Variants in PIN1 observed in about 807,000 individuals in gnomAD.
The protein encoded by PIN1 is peptidyl-prolyl cis-trans isomerase NIMA-interacting 1.
Under a neutral mutation model 19.9 loss-of-function variants are expected in PIN1, and 8 were observed. The observed-to-expected ratio is 0.40, with a 90% CI of 0.24 to 0.72. PIN1 has a LOEUF of 0.72. Among genes scored for constraint, PIN1 ranks in the 30% least tolerant of loss-of-function variants. The pLI is 0.37. For missense variants in PIN1, 185 were observed against 226.5 expected (o/e 0.82, Z 1.18); for synonymous variants, 86 against 90.8 (o/e 0.95, Z 0.30).
intron 2 of PIN1, among the ~76,000 whole-genome samples, chr19:9,842,301 G>A (rs921596114): frequency 2.0e-4 from 31 of 152,164 alleles, no homozygotes; most frequent in African/African-American, 7.2e-4. Context: ...GCAGAACAGC[G>A]TGGCCCACCC....
chr19:9,838,196 A>AT lies in PIN1; in HGVS notation c.59-237dup, dbSNP rs2046128992. 6.8e-6 allele frequency: 4 copies of AT among 585,646 alleles called. No individual in the cohort carries two copies. The South Asian group carries it at 7.8e-5, about 11-fold the overall frequency. 36.3% of individuals were successfully genotyped at this position (585,646 alleles called of 1,614,324 possible). On this transcript the variant is annotated intron_variant, in intron 1 of 3. Transcript: ENST00000247970. This position sits in a 1 kb window ranked among gnomAD's most constrained non-coding sequence, Gnocchi z 5.8. ...AGGGATTGATACTATCCTGTGTTTC[A>AT]TTTGCTTGTTTAGCACCTGTCTGCT...
chr19:9,848,121 C>A lies in PIN1; in HGVS notation c.363C>A (p.Asp121Glu). Residue 121 changes from aspartate to glutamate, a missense_variant, in exon 3 of 4, where the codon GAC becomes GAA. Coordinates refer to ENST00000247970, the MANE Select transcript of PIN1 (RefSeq NM_006221.4). ...SDCSSAKARGDLGAFSRGQMQ... is the reference protein window; with the variant it reads ...SDCSSAKARGELGAFSRGQMQ... Reference sequence around the variant, plus strand: ...GCAGCTCAGCCAAGGCCAGGGGAGACCTGGGTGCCTTCAGCAGAGGTGCGC... The same window carrying A: ...GCAGCTCAGCCAAGGCCAGGGGAGAACTGGGTGCCTTCAGCAGAGGTGCGC... 6.2e-7 allele frequency: 1 copy of A among 1,609,654 alleles called. No homozygotes were observed. The highest frequency in any genetic ancestry group is 8.5e-7 in the Non-Finnish European group (1 of 1,176,008).
intron 1 of PIN1, chr19:9,836,958 C>T (rs1200293621): frequency 1.4e-6 from 1 of 711,472 alleles, no homozygotes; most frequent in East Asian, 6.5e-5. Context: ...CTGTCCTAGG[C>T]ATTTTGTAGA....
intron 2 of PIN1, among the ~76,000 whole-genome samples, chr19:9,845,969 G>C (rs2046216289): frequency 6.6e-6 from 1 of 152,144 alleles, no homozygotes; most frequent in Admixed American, 6.5e-5. Flanking sequence ...GCGATCCCCT[G>C]GCTGGCTTAG....
intron 1 of PIN1, 146 bp downstream of exon 1, chr19:9,835,548 C>G (rs1406060013): frequency 3.8e-5 from 24 of 624,014 alleles, no homozygotes; most frequent in Middle Eastern, 9.0e-4. Context: ...CGGCCCCGGC[C>G]CGCCCTGTTG....
At chr19:9,840,424 C>T (rs2046154303) in intron 2 of PIN1, among the ~76,000 whole-genome samples, 3 of 152,170 alleles carry the variant, frequency 2.0e-5, no homozygotes, top group Non-Finnish European at 2.9e-5. Context: ...AACACTTTTC[C>T]ATTCTTGCAG....
Position 9,838,306 on chromosome 19 carries a change from G to A in PIN1, c.59-130G>A. 1 of 741,296 alleles carries A rather than the reference G, an allele frequency of 1.3e-6. No homozygotes were observed. Among genetic ancestry groups the A allele is most frequent in the Non-Finnish European group, 2.4e-6 (1 of 410,324 alleles). The allele number at this position is 741,296 out of a possible 1,614,324, so 45.9% of individuals were successfully genotyped here. A position where few individuals can be genotyped will look rare whatever the true frequency, so the allele number is the denominator to read the frequency against. On this transcript the variant is annotated intron_variant, in intron 1 of 3. Coordinates refer to ENST00000247970, the MANE Select transcript of PIN1 (RefSeq NM_006221.4). This position sits in a 1 kb window ranked among gnomAD's most constrained non-coding sequence, Gnocchi z 5.8. ...TCTGGAGAGCCTGTGGCACATGGTGGATACACCATGGATTTGTTGAATGAA... is the reference window on the plus strand; with the variant it reads ...TCTGGAGAGCCTGTGGCACATGGTGAATACACCATGGATTTGTTGAATGAA...
chr19:9,849,080 T>C lies in PIN1; in HGVS notation c.383-10T>C. ...GCCCTGACACCCCCACCGCCCCTCC[T>C]GGCTCCCAGGTCAGATGCAGAAGCC... On this transcript the variant is annotated splice_polypyrimidine_tract_variant and intron_variant, in intron 3 of 3. Transcript: ENST00000247970. 1.2e-6 allele frequency: 2 copies of C among 1,604,352 alleles called. No homozygotes were observed. Among genetic ancestry groups the C allele is most frequent in the East Asian group, 2.2e-5 (1 of 44,804 alleles).
chr19:9,838,957 C>G lies in PIN1; in HGVS notation c.271+309C>G, dbSNP rs931237647. Among the ~76,000 whole-genome samples the G allele has an allele frequency of 4.6e-5, 7 of 152,190 alleles. No individual in the cohort carries two copies. Among genetic ancestry groups the G allele is most frequent in the Non-Finnish European group, 7.3e-5 (5 of 68,042 alleles). ...TGGGAGGGGACTCGTGTCACCTCCC[C>G]TAGACTCAGCTTTCTCTGTAAAATG... On this transcript the variant is annotated intron_variant, in intron 2 of 3. Transcript: ENST00000247970. This position sits in a 1 kb window ranked among gnomAD's most constrained non-coding sequence, Gnocchi z 5.8.
At position 9,837,633 on chromosome 19, in the gene PIN1, GGTTT is replaced by G. The variant is rs925122170; in HGVS notation, c.59-788_59-785del. The G allele has an allele frequency of 8.4e-5, 13 of 155,272 alleles. No individual in the cohort carries two copies. The East Asian group carries it at 1.3e-3, about 16-fold the overall frequency. The allele number at this position is 155,272 out of a possible 1,614,324, so 9.6% of individuals were successfully genotyped here. A position where few individuals can be genotyped will look rare whatever the true frequency, so the allele number is the denominator to read the frequency against. Reference sequence around the variant, plus strand: ...TACACCACAACGCCCGGCTAATGTTGGTTTGTTTGTTTGTTTGTGACGGAGTTTT... The same window carrying G: ...TACACCACAACGCCCGGCTAATGTTGGTTTGTTTGTTTGTGACGGAGTTTT... On this transcript the variant is annotated intron_variant, in intron 1 of 3. Coordinates refer to ENST00000247970, the MANE Select transcript of PIN1 (RefSeq NM_006221.4).
intron 3 of PIN1, 55 bp downstream of exon 3, chr19:9,848,195 A>G (rs1225353106): frequency 9.3e-7 from 1 of 1,070,180 alleles, no homozygotes; most frequent in Non-Finnish European, 1.4e-6. Context: ...CCTGAGGGGT[A>G]GAGGCCAGGA....
Position 9,849,661 on chromosome 19 carries a change from C to G in PIN1, c.*462C>G, listed in dbSNP as rs774471250. On this transcript the variant is annotated 3_prime_UTR_variant, in exon 4 of 4. Transcript: ENST00000247970. ...AGCAACTGTGCAGCACCCTTTCACCCCCAATTAAACCCAGAACCACTGCTC... is the reference window on the plus strand; with the variant it reads ...AGCAACTGTGCAGCACCCTTTCACCGCCAATTAAACCCAGAACCACTGCTC... The G allele has an allele frequency of 1.9e-6, 1 of 514,340 alleles. No individual in the cohort carries two copies. The highest frequency in any genetic ancestry group is 2.0e-5 in the Admixed American group (1 of 50,760). The allele number at this position is 514,340 out of a possible 1,614,324, so 31.9% of individuals were successfully genotyped here. A position where few individuals can be genotyped will look rare whatever the true frequency, so the allele number is the denominator to read the frequency against.
chr19:9,841,875 C>T (rs1277334420), intron 2 of PIN1, among the ~76,000 whole-genome samples: 3 of 152,088 alleles, frequency 2.0e-5, no homozygotes, highest in Non-Finnish European at 4.4e-5. Context: ...GAAGTGGGCT[C>T]CTGGGGGTCA....
chr19:9,845,909 G>T (rs1599454239), intron 2 of PIN1, among the ~76,000 whole-genome samples: 1 of 152,168 alleles, frequency 6.6e-6, no homozygotes, highest in Admixed American at 6.5e-5. Flanking sequence ...CTCAGTGCCT[G>T]CAGGCAGTCC....
intron 1 of PIN1, chr19:9,835,871 A>G (rs2046098210): frequency 6.1e-6 from 1 of 162,732 alleles, no homozygotes; most frequent in Admixed American, 6.4e-5. Flanking sequence ...ATCGCCCGTG[A>G]CATTCTGCCA....
chr19:9,845,536 G>A (rs928264983), intron 2 of PIN1, among the ~76,000 whole-genome samples: 4 of 152,038 alleles, frequency 2.6e-5, no homozygotes, highest in Admixed American at 2.0e-4. Flanking sequence ...AGCTACTTGC[G>A]AGGCTGAGGC....
Position 9,838,003 on chromosome 19 carries a change from AT to A in PIN1, c.59-429del. ...CCCTAAGGTAGGAACTGTTATCTCC[AT>A]TTTGCAGGTGAGAACACCAAGGCCC... On this transcript the variant is annotated intron_variant, in intron 1 of 3. Transcript: ENST00000247970. This position sits in a 1 kb window ranked among gnomAD's most constrained non-coding sequence, Gnocchi z 5.8. 1 of 268,654 alleles carries A rather than the reference AT, an allele frequency of 3.7e-6. No homozygotes were observed. The highest frequency in any genetic ancestry group is 7.4e-6 in the Non-Finnish European group (1 of 135,932). The allele number at this position is 268,654 out of a possible 1,614,324, so 16.6% of individuals were successfully genotyped here. A position where few individuals can be genotyped will look rare whatever the true frequency, so the allele number is the denominator to read the frequency against.
rs533867176 is a variant in PIN1, at chr19:9,844,617, CT to C, written c.272-3412del. Among the ~76,000 whole-genome samples the C allele has an allele frequency of 2.1e-3, 324 of 152,302 alleles. 1 individual carries two copies. Among genetic ancestry groups the C allele is most frequent in the Non-Finnish European group, 4.1e-3 (280 of 68,022 alleles). ...GAGGCCACCCTGTGTCTGTGTGGTT[CT>C]AAGCTGGAGCCACATCGAATCAGGA... is the stretch of plus-strand genomic sequence containing the variant. On this transcript the variant is annotated intron_variant, in intron 2 of 3. Transcript: ENST00000247970.
chr19:9,839,409 C>T (rs1205618040), intron 2 of PIN1, among the ~76,000 whole-genome samples: 2 of 147,074 alleles, frequency 1.4e-5, no homozygotes, highest in African/African-American at 5.0e-5. Context: ...AAGTGAGGCA[C>T]CATCTCAAAA....
Sources: gnomAD v4.1 joint callset for allele counts (sites outside exome capture counted in the v4.1 genomes callset) on GRCh38, gnomAD v4.1.1 for gene constraint, Gnocchi (gnomAD v3.1) non-coding constraint, MANE v1.5 for transcripts, NCBI Gene and HGNC (gene_info 2026-07-23, HGNC 2026-07-21) for gene names.